PLA2G4F: variants seen among roughly 807,000 people sequenced by gnomAD.
PLA2G4F encodes the protein phospholipase A2 group IVF.
In PLA2G4F, 105 loss-of-function variants were observed where a neutral mutation model predicts 103.1. That is an observed-to-expected ratio of 1.02 (90% confidence interval 0.87 to 1.20). PLA2G4F has a LOEUF of 1.20. Among genes scored for constraint, PLA2G4F ranks in the 50% most tolerant of loss-of-function variants. PLA2G4F has a pLI of 0.00. For synonymous variants in PLA2G4F, 468 were observed against 441.1 expected (o/e 1.06, Z -0.76); for missense variants, 1,155 against 1,075.9 (o/e 1.07, Z -1.03).
At position 42,141,726 on chromosome 15, in the gene PLA2G4F, G is replaced by C. The variant is rs1313522392; in HGVS notation, c.*258C>G. On this transcript the variant is annotated 3_prime_UTR_variant, in exon 20 of 20. Transcript: ENST00000397272. ...CACACCCCGCTGTGAAATGAGTGCT[G>C]TTCTCTTCTGCCCTACATCCCCAAG... The C allele has an allele frequency of 1.6e-6, 1 of 607,952 alleles. No homozygotes were observed. Among genetic ancestry groups the C allele is most frequent in the Non-Finnish European group, 3.1e-6 (1 of 327,596 alleles). 37.7% of individuals were successfully genotyped at this position (607,952 alleles called of 1,614,324 possible).
chr15:42,143,460 CAA>C (rs2048846234), intron 18 of PLA2G4F, among the ~76,000 whole-genome samples: 1 of 152,138 alleles, frequency 6.6e-6, no homozygotes, highest in African/African-American at 2.4e-5. Context: ...GGACCCAGGA[CAA>C]AGAGGAGACC....
chr15:42,145,999 C>A (rs2048880778), intron 14 of PLA2G4F, 96 bp from the exon 15 acceptor site: 1 of 1,588,470 alleles, frequency 6.3e-7, no homozygotes, highest in East Asian at 2.2e-5. Context: ...CAGGAAGAAG[C>A]AGCAGCCCCG....
At chr15:42,142,450 G>A (rs1208151035) in intron 19 of PLA2G4F, 78 bp downstream of exon 19, 2 of 1,474,884 alleles carry the variant, frequency 1.4e-6, no homozygotes, top group Non-Finnish European at 1.8e-6. Context: ...CATTCTCCAG[G>A]GAACCCACCC....
rs1345344222 is a variant in PLA2G4F, at chr15:42,145,516, C to G, written c.1780+59G>C. On this transcript the variant is annotated intron_variant, in intron 16 of 19. Transcript: ENST00000397272. ...GTCCCCTCCCTCATTCTTCTTGTCT[C>G]TGCCAGGGCCCTGTTGCTGGAATGT... 3.3e-6 allele frequency: 5 copies of G among 1,520,980 alleles called. No individual in the cohort carries two copies. The Admixed American group carries it at 8.5e-5, about 26-fold the overall frequency. The allele number at this position is 1,520,980 out of a possible 1,614,324, so 94.2% of individuals were successfully genotyped here.
chr15:42,145,912 C>T lies in PLA2G4F; in HGVS notation c.1535-9G>A. On this transcript the variant is annotated splice_polypyrimidine_tract_variant and intron_variant, in intron 14 of 19. Coordinates refer to ENST00000397272, the MANE Select transcript of PLA2G4F (RefSeq NM_213600.4). ...CGTGAACTCGCACCACTCTAGGGGC[C>T]CGAGTGAAGGGAAAGTCACCAGGGG... 1 of 1,613,372 alleles carries T rather than the reference C, an allele frequency of 6.2e-7. No homozygotes were observed. The highest frequency in any genetic ancestry group is 2.2e-5 in the East Asian group (1 of 44,874).
intron 17 of PLA2G4F, 139 bp from the exon 18 acceptor site, chr15:42,144,283 G>A (rs141708768): frequency 7.2e-7 from 1 of 1,389,430 alleles, no homozygotes; most frequent in Non-Finnish European, 9.7e-7. Flanking sequence ...CCAAGCCCTT[G>A]GCCCTGCCTT....
At chr15:42,149,444 G>A in intron 11 of PLA2G4F, 1 of 956,100 alleles carries the variant, frequency 1.0e-6, no homozygotes, top group Non-Finnish European at 1.2e-6. Flanking sequence ...CGGACTTCCA[G>A]CCCCTAGAAC....
rs538612068 is a variant in PLA2G4F at position 42,150,413 on chromosome 15, G to A, written c.845C>T (p.Pro282Leu). The change falls in exon 9 of 20, where the codon CCC becomes CTC. Residue 282 changes from proline to leucine, a missense_variant. This residue lies in a region of PLA2G4F where 370 missense variants were observed against 364.9 expected (regional missense o/e 1.01). Transcript: ENST00000397272. ...GEGGILLSSL[P>L]LGQEEQCSVA... ...AGAACACTGTTCCTCCTGGCCTAGG[G>A]GCAGAGAGGAGAGCAGGATGCCCCC... The A allele has an allele frequency of 1.2e-6, 2 of 1,613,142 alleles. No individual in the cohort carries two copies. The highest frequency in any genetic ancestry group is 1.1e-5 in the South Asian group (1 of 90,806).
At position 42,141,932 on chromosome 15, in the gene PLA2G4F, A is replaced by G. The variant is rs940734591; in HGVS notation, c.*52T>C. 51 of 1,539,490 alleles carry G rather than the reference A, an allele frequency of 3.3e-5. No individual in the cohort carries two copies. Among genetic ancestry groups the G allele is most frequent in the Non-Finnish European group, 4.5e-5 (50 of 1,121,184 alleles). ...ATCGCTCCTCCCTCTACAAGCCCTG[A>G]CCATGAGCAGTGTGTCTCCTCTCTG... On this transcript the variant is annotated 3_prime_UTR_variant, in exon 20 of 20. Coordinates refer to ENST00000397272, the MANE Select transcript of PLA2G4F (RefSeq NM_213600.4).
intron 16 of PLA2G4F, among the ~76,000 whole-genome samples, chr15:42,145,012 C>T (rs2048866709): frequency 6.6e-6 from 1 of 152,210 alleles, no homozygotes; most frequent in Non-Finnish European, 1.5e-5. Flanking sequence ...GTGAACGGGA[C>T]CTGCCCTGGC....
intron 13 of PLA2G4F, chr15:42,146,641 C>T (rs1566878923): frequency 4.4e-6 from 1 of 229,556 alleles, no homozygotes; most frequent in East Asian, 1.0e-4. Flanking sequence ...AACTGATCTC[C>T]ACACACGGGG....
intron 2 of PLA2G4F, among the ~76,000 whole-genome samples, chr15:42,154,982 G>GT (rs376872945): frequency 6.3e-4 from 96 of 151,668 alleles, no homozygotes; most frequent in African/African-American, 2.3e-3. Flanking sequence ...CACATGTGTA[G>GT]TACTCTCACA....
Position 42,140,948 on chromosome 15 carries a change from C to T in PLA2G4F, c.*1036G>A. ...TTCACGAATCTGAGGGCTGCCCACACTAGAGAGGTTCTAGGTATTTGGAGA... is the reference window on the plus strand; with the variant it reads ...TTCACGAATCTGAGGGCTGCCCACATTAGAGAGGTTCTAGGTATTTGGAGA... On this transcript the variant is annotated 3_prime_UTR_variant, in exon 20 of 20. Transcript: ENST00000397272. 6.5e-6 allele frequency: 2 copies of T among 308,222 alleles called. No homozygotes were observed. The highest frequency in any genetic ancestry group is 1.3e-5 in the Non-Finnish European group (2 of 154,536). The allele number at this position is 308,222 out of a possible 1,614,324, so 19.1% of individuals were successfully genotyped here. A position where few individuals can be genotyped will look rare whatever the true frequency, so the allele number is the denominator to read the frequency against.
intron 7 of PLA2G4F, chr15:42,151,071 G>A: frequency 1.0e-6 from 1 of 985,440 alleles, no homozygotes; most frequent in Non-Finnish European, 1.2e-6. Context: ...CAGAGCCTGT[G>A]GGGCTGATGA....
chr15:42,149,682 T>A (rs2048932589), intron 11 of PLA2G4F, 31 bp downstream of exon 11: 1 of 1,613,240 alleles, frequency 6.2e-7, no homozygotes, highest in Admixed American at 1.7e-5. Flanking sequence ...TCCTAGAGGC[T>A]CTGGGGTCCA....
At chr15:42,146,946 G>A in intron 13 of PLA2G4F, 178 bp downstream of exon 13, 1 of 622,274 alleles carries the variant, frequency 1.6e-6, no homozygotes, top group Non-Finnish European at 2.8e-6. Flanking sequence ...GGGGTTAGGA[G>A]CTAGGGAGGC....
chr15:42,144,602 C>A lies in PLA2G4F; in HGVS notation c.1823G>T (p.Arg608Leu). ...KPQLHNPSRL[R>L]TRLLTPQGPF... ...CCCCTGTGGGGTGAGGAGCCTCGTT[C>A]GCAGCCTCGAGGGGTTGTGCAGCTG... The change falls in exon 17 of 20, where the codon CGA becomes CTA. Residue 608 changes from arginine (R) to leucine (L), a missense_variant. This residue lies in a region of PLA2G4F where 782 missense variants were observed against 692.9 expected (regional missense o/e 1.13). Transcript: ENST00000397272. 1.2e-6 allele frequency: 2 copies of A among 1,611,120 alleles called. No homozygotes were observed. Among genetic ancestry groups the A allele is most frequent in the South Asian group, 1.1e-5 (1 of 90,808 alleles).
Position 42,142,660 on chromosome 15 carries a change from T to A in PLA2G4F, c.2197A>T (p.Ile733Phe). 1 of 1,614,108 alleles carries A rather than the reference T, an allele frequency of 6.2e-7. No homozygotes were observed. Among genetic ancestry groups the A allele is most frequent in the Non-Finnish European group, 8.5e-7 (1 of 1,180,002 alleles). Residue 733 changes from isoleucine (I) to phenylalanine (F), a missense_variant, in exon 19 of 20, where the codon ATC (isoleucine) becomes TTC (phenylalanine). Ile to Phe is a conservative substitution (Grantham distance 21, BLOSUM62 0). Transcript: ENST00000397272. ...TCCATGTCCTCAGGGCCCACCTCGA[T>A]GCTAGGGAAGGGGATTCCTCGGTCC... ...CLDRGIPFPS[I>F]EVGPEDMEEA...
chr15:42,148,869 T>C (rs1403213332), intron 11 of PLA2G4F: 7 of 985,276 alleles, frequency 7.1e-6, no homozygotes, highest in Non-Finnish European at 8.4e-6. Flanking sequence ...CAGAAGGCGC[T>C]GTCGCTTCAG....
Sources: gnomAD v4.1 joint callset for allele counts (sites outside exome capture counted in the v4.1 genomes callset) on GRCh38, gnomAD v4.1.1 for gene constraint, gnomAD v4.1.1 regional missense constraint, MANE v1.5 for transcripts, NCBI Gene and HGNC (gene_info 2026-07-23, HGNC 2026-07-21) for gene names.